ARID1B: variants seen among roughly 807,000 people sequenced by gnomAD.
ARID1B encodes the protein AT-rich interaction domain 1B.
ARID1B carries 30 observed loss-of-function variants against 212.3 expected under a neutral mutation model. The ratio of observed to expected loss-of-function variants is 0.14; its 90% CI spans 0.11 to 0.19. The LOEUF is 0.19. Ranked by LOEUF, ARID1B falls within the 10% of genes least tolerant of loss-of-function variation. ARID1B has a pLI of 1.00. For missense variants in ARID1B, 2,891 were observed against 3,204.0 expected, an observed-to-expected ratio of 0.90 and a Z score of 2.36; for synonymous variants, 1,402 against 1,301.7, an observed-to-expected ratio of 1.08 and a Z score of -1.66.
chr6:156,909,390 C>T (rs1436446165), intron 3 of ARID1B, among the ~76,000 whole-genome samples: 1 of 152,100 alleles, frequency 6.6e-6, no homozygotes, highest in African/African-American at 2.4e-5. Context: ...TCCCAGAGTG[C>T]TGGAATTACA....
At chr6:156,957,488 C>T (rs1269821352) in intron 4 of ARID1B, among the ~76,000 whole-genome samples, 1 of 152,040 alleles carries the variant, frequency 6.6e-6, no homozygotes, top group Non-Finnish European at 1.5e-5. Flanking sequence ...CCAGGACCAC[C>T]GTGCAGGCTT....
intron 4 of ARID1B, among the ~76,000 whole-genome samples, chr6:157,016,001 G>C (rs1047941259): frequency 1.3e-5 from 2 of 152,196 alleles, no homozygotes; most frequent in African/African-American, 4.8e-5. Context: ...ACTCTTTTCA[G>C]TTTGCTCAGG....
At chr6:157,188,571 T>C (rs1274801283) in intron 13 of ARID1B, among the ~76,000 whole-genome samples, 3 of 152,206 alleles carry the variant, frequency 2.0e-5, no homozygotes, top group African/African-American at 7.2e-5. Context: ...TTCTACACAA[T>C]AACATGGAAA....
chr6:156,983,006 A>G (rs1777697283), intron 4 of ARID1B, among the ~76,000 whole-genome samples: 1 of 151,846 alleles, frequency 6.6e-6, no homozygotes, highest in African/African-American at 2.4e-5. Flanking sequence ...GAGGCAGGAG[A>G]ATGGCTTGAG....
chr6:156,914,139 C>T (rs1480909117), intron 3 of ARID1B, among the ~76,000 whole-genome samples: 2 of 149,864 alleles, frequency 1.3e-5, no homozygotes, highest in African/African-American at 2.5e-5. Context: ...TCTCCACTCC[C>T]GAACTGCCAG....
intron 11 of ARID1B, among the ~76,000 whole-genome samples, chr6:157,179,737 A>C (rs1792370620): frequency 2.0e-5 from 3 of 152,200 alleles, no homozygotes; most frequent in African/African-American, 7.2e-5. Context: ...CGTGTTAGTT[A>C]AAGGGAAAGC....
intron 6 of ARID1B, among the ~76,000 whole-genome samples, chr6:157,128,986 A>G (rs1788346911): frequency 6.6e-6 from 1 of 152,246 alleles, no homozygotes; most frequent in African/African-American, 2.4e-5. Flanking sequence ...GTGCTGGAGT[A>G]ATGTGGATTC....
intron 4 of ARID1B, among the ~76,000 whole-genome samples, chr6:157,003,650 G>A (rs1779031142): frequency 6.6e-6 from 1 of 152,188 alleles, no homozygotes; most frequent in African/African-American, 2.4e-5. Flanking sequence ...TTACAGTGAA[G>A]TGTTAATGGC....
intron 4 of ARID1B, among the ~76,000 whole-genome samples, chr6:156,993,128 C>T (rs994344070): frequency 2.6e-5 from 4 of 151,364 alleles, no homozygotes; most frequent in Non-Finnish European, 4.4e-5. Context: ...CTGCAAACTC[C>T]GCCTCCCGGT....
At chr6:156,800,683 C>T (rs1420378141) in intron 1 of ARID1B, among the ~76,000 whole-genome samples, 1 of 151,854 alleles carries the variant, frequency 6.6e-6, no homozygotes, top group Admixed American at 6.6e-5. Flanking sequence ...GAGGCGGGAG[C>T]ATCACTTGAG....
At chr6:157,202,031 G>A (rs1794148697) in intron 18 of ARID1B, among the ~76,000 whole-genome samples, 1 of 152,234 alleles carries the variant, frequency 6.6e-6, no homozygotes, top group South Asian at 2.1e-4. Flanking sequence ...AACATACAGT[G>A]AATTTCCGTG....
At chr6:157,066,393 C>T (rs1174706120) in intron 4 of ARID1B, among the ~76,000 whole-genome samples, 4 of 152,210 alleles carry the variant, frequency 2.6e-5, no homozygotes, top group East Asian at 1.9e-4. Flanking sequence ...TTTCTGAGGA[C>T]TGTATATAAT....
Position 156,779,078 on chromosome 6 carries a change from G to T in ARID1B, c.1398G>T (p.Gly466=). 8.2e-7 allele frequency: 1 copy of T among 1,225,022 alleles called. No individual in the cohort carries two copies. The allele number at this position is 1,225,022 out of a possible 1,614,324, so 75.9% of individuals were successfully genotyped here. Reference sequence around the variant, plus strand: ...GCGGCGGCATGATGATGGGCCCCGGGGGCGGCGGGGCCGCGAGCCTCAGCA... The same window carrying T: ...GCGGCGGCATGATGATGGGCCCCGGTGGCGGCGGGGCCGCGAGCCTCAGCA... ...QQGGGMMMGP[G]GGGAASLSKA... is the part of the protein sequence containing the mutation. The change falls in exon 1 of 20, where the codon GGG becomes GGT. Residue 466 remains glycine, a synonymous_variant. Transcript: ENST00000636930.
intron 6 of ARID1B, 130 bp from the exon 7 acceptor site, chr6:157,132,898 A>AT: frequency 9.7e-7 from 1 of 1,031,368 alleles, no homozygotes. Context: ...GTCTTTAGCT[A>AT]TTTTTTAGGA....
At chr6:157,160,841 C>G (rs1404580393) in intron 8 of ARID1B, among the ~76,000 whole-genome samples, 1 of 152,202 alleles carries the variant, frequency 6.6e-6, no homozygotes, top group East Asian at 1.9e-4. Context: ...GGATTGATCC[C>G]TCAGATCTGA....
rs148943376 is a variant in ARID1B at position 157,191,997 on chromosome 6, T to C, written c.4231+1787T>C. On this transcript the variant is annotated intron_variant, in intron 15 of 19. Coordinates refer to ENST00000636930, the MANE Select transcript of ARID1B (RefSeq NM_001374828.1). ...GGCATATACCATTTAAAAATGAAAT[T>C]CATAGTATTTCATGTACAACATTTC... Among the ~76,000 whole-genome samples, 258 of 152,270 alleles carry C rather than the reference T, an allele frequency of 1.7e-3. 4 individuals carry two copies. The highest frequency in any genetic ancestry group is 6.1e-3 in the African/African-American group (255 of 41,550).
chr6:157,194,579 A>T (rs191129928), intron 15 of ARID1B: 156 of 152,344 alleles, frequency 1.0e-3, no homozygotes, highest in African/African-American at 3.5e-3. Context: ...CTCTGAGCTG[A>T]TGCTAATTTG....
chr6:156,997,659 GTT>G (rs60189073), intron 4 of ARID1B, among the ~76,000 whole-genome samples: 5,660 of 126,944 alleles, frequency 0.045, 340 homozygotes, highest in African/African-American at 0.14. Flanking sequence ...ATTTTAACTT[GTT>G]TTTTTTTTTT....
chr6:157,087,617 G>T (rs1785036017), intron 5 of ARID1B, among the ~76,000 whole-genome samples: 1 of 152,190 alleles, frequency 6.6e-6, no homozygotes, highest in South Asian at 2.1e-4. Flanking sequence ...GTTCAGAGTT[G>T]TACAGTTGAT....
Sources: allele counts gnomAD v4.1 joint callset (sites outside exome capture counted in the v4.1 genomes callset), GRCh38; gene constraint gnomAD v4.1.1; transcripts MANE v1.5; gene names NCBI Gene and HGNC (gene_info 2026-07-23, HGNC 2026-07-21).